The following KLF8 variants were observed in gnomAD, a reference collection of about 807,000 sequenced individuals.
The protein encoded by KLF8 is Krueppel-like factor 8.
In KLF8, 10 loss-of-function variants were observed where a neutral mutation model predicts 18.2. The ratio of observed to expected loss-of-function variants is 0.55; its 90% CI spans 0.34 to 0.93. The LOEUF is 0.93. KLF8 is among the 40% of genes least tolerant of loss of function. The pLI, the probability that KLF8 is intolerant of heterozygous loss-of-function variation, is 0.02. For synonymous variants in KLF8, 109 were observed against 97.3 expected, an observed-to-expected ratio of 1.12 and a Z score of -0.71; for missense variants, 264 against 277.9, an observed-to-expected ratio of 0.95 and a Z score of 0.36.
At chrX:56,158,226 T>G in the KLF8 span, among the ~76,000 whole-genome samples, 2 of 111,702 alleles carry the variant, frequency 1.8e-5, no homozygotes, top group Non-Finnish European at 3.8e-5. Context: ...TTCTGAGGAC[T>G]CTGTTCTGTT....
At chrX:56,010,289 G>A in the KLF8 span, among the ~76,000 whole-genome samples, 1 of 112,030 alleles carries the variant, frequency 8.9e-6, no homozygotes, top group Non-Finnish European at 1.9e-5. Context: ...CAAGCCAGAA[G>A]AGATTGGGGG....
chrX:56,153,501 T>G, the KLF8 span, among the ~76,000 whole-genome samples: 3 of 111,766 alleles, frequency 2.7e-5, no homozygotes, highest in African/African-American at 9.7e-5. Flanking sequence ...GAAGAAAATA[T>G]GGCTTTAAAA....
At chrX:56,192,454 A>G in the KLF8 span, among the ~76,000 whole-genome samples, 4 of 111,910 alleles carry the variant, frequency 3.6e-5, no homozygotes, top group East Asian at 1.1e-3. Context: ...CTTTAGAGAA[A>G]TAGAAAACAC....
rs2067267508 is a variant in KLF8 at position 56,286,290 on chromosome X, T to A, written c.*1796T>A. On this transcript the variant is annotated 3_prime_UTR_variant, in exon 6 of 6. Transcript: ENST00000468660. Reference sequence around the variant, plus strand: ...GCCTCAGCCTCCCAAATAGCTTGGATTACAGGTGCGTGCCACCACACCTAG... The same window carrying A: ...GCCTCAGCCTCCCAAATAGCTTGGAATACAGGTGCGTGCCACCACACCTAG... 2 of 111,227 alleles carry A rather than the reference T, an allele frequency of 1.8e-5. No homozygotes were observed. The highest frequency in any genetic ancestry group is 7.8e-4 in the South Asian group (2 of 2,571). The allele number at this position is 111,227 out of a possible 1,213,427, so 9.2% of individuals were successfully genotyped here. A position where few individuals can be genotyped will look rare whatever the true frequency, so the allele number is the denominator to read the frequency against.
At chrX:56,195,380 A>G in the KLF8 span, among the ~76,000 whole-genome samples, 1 of 112,264 alleles carries the variant, frequency 8.9e-6, no homozygotes, top group African/African-American at 3.2e-5. Context: ...AGTGTAGAGA[A>G]GACCGTAGAT....
At chrX:56,072,863 T>C in the KLF8 span, among the ~76,000 whole-genome samples, 2 of 111,957 alleles carry the variant, frequency 1.8e-5, no homozygotes, top group Admixed American at 1.9e-4. Flanking sequence ...TAACTCTCCC[T>C]TCCTGCAGTT....
In KLF8 at chrX:56,289,427, G is replaced by A. The variant is rs1256994073; in HGVS notation, c.*4933G>A. On this transcript the variant is annotated 3_prime_UTR_variant, in exon 6 of 6. Transcript: ENST00000468660. Reference sequence around the variant, plus strand: ...TATCTGGGCATTAGGTATGTTCATTGTTACTGGGCTATTGTTGCTTCTAGG... The same window carrying A: ...TATCTGGGCATTAGGTATGTTCATTATTACTGGGCTATTGTTGCTTCTAGG... Among the ~76,000 whole-genome samples the A allele has an allele frequency of 8.9e-5, 10 of 111,879 alleles. No homozygotes were observed. Among genetic ancestry groups the A allele is most frequent in the Non-Finnish European group, 1.9e-4 (10 of 53,157 alleles).
At chrX:55,989,530 G>A in the KLF8 span, among the ~76,000 whole-genome samples, 4 of 112,361 alleles carry the variant, frequency 3.6e-5, no homozygotes, top group Non-Finnish European at 7.5e-5. Flanking sequence ...TGTTGAACCA[G>A]CCTTGCATCC....
At chrX:56,202,727 T>C in the KLF8 span, among the ~76,000 whole-genome samples, 1 of 110,940 alleles carries the variant, frequency 9.0e-6, no homozygotes, top group Non-Finnish European at 1.9e-5. Flanking sequence ...TGATCTCCAG[T>C]TCCATGCATA....
At chrX:56,041,273 G>A in the KLF8 span, among the ~76,000 whole-genome samples, 5 of 109,572 alleles carry the variant, frequency 4.6e-5, no homozygotes, top group Admixed American at 2.0e-4. Flanking sequence ...ACAGGTGTGC[G>A]CCACTATGCC....
chrX:56,019,622 A>T, the KLF8 span, among the ~76,000 whole-genome samples: 1 of 112,118 alleles, frequency 8.9e-6, no homozygotes. Context: ...AGGTGGGTAC[A>T]TAAAGTTAGT....
chrX:56,178,385 C>T, the KLF8 span, among the ~76,000 whole-genome samples: 1 of 112,145 alleles, frequency 8.9e-6, no homozygotes, highest in Non-Finnish European at 1.9e-5. Context: ...GGATATTAGC[C>T]TTTTGTCACA....
the KLF8 span, among the ~76,000 whole-genome samples, chrX:56,195,810 A>C: frequency 1.8e-5 from 2 of 111,544 alleles, no homozygotes; most frequent in Non-Finnish European, 1.9e-5. Flanking sequence ...ATGGAGGAAA[A>C]AGTTTTGAGG....
the KLF8 span, among the ~76,000 whole-genome samples, chrX:56,057,351 G>T: frequency 9.9e-5 from 11 of 111,041 alleles, no homozygotes; most frequent in African/African-American, 3.0e-4. Flanking sequence ...GAGGGTGGTG[G>T]TTTGTATATT....
the KLF8 span, among the ~76,000 whole-genome samples, chrX:56,123,741 T>G: frequency 4.5e-4 from 50 of 112,224 alleles, no homozygotes; most frequent in African/African-American, 1.6e-3. Flanking sequence ...CACAAATAGA[T>G]GCTGAACTAA....
chrX:56,012,669 G>T, the KLF8 span, among the ~76,000 whole-genome samples: 2 of 111,028 alleles, frequency 1.8e-5, no homozygotes, highest in Non-Finnish European at 3.8e-5. Context: ...CTATTTGCAG[G>T]TGATGTGATC....
the KLF8 span, among the ~76,000 whole-genome samples, chrX:56,128,103 T>C: frequency 9.0e-6 from 1 of 111,516 alleles, no homozygotes; most frequent in Non-Finnish European, 1.9e-5. Context: ...TAAGAGTGGT[T>C]CATTGAGAAA....
At chrX:56,075,733 T>A in the KLF8 span, among the ~76,000 whole-genome samples, 7 of 111,903 alleles carry the variant, frequency 6.3e-5, no homozygotes, top group Admixed American at 9.5e-5. Flanking sequence ...ATTCTGTTAA[T>A]TTTTAGATCT....
chrX:56,085,918 C>T, the KLF8 span, among the ~76,000 whole-genome samples: 6 of 111,925 alleles, frequency 5.4e-5, no homozygotes, highest in African/African-American at 1.9e-4. Flanking sequence ...ACTATCACTG[C>T]GTCATGAGTT....
Sources: gnomAD v4.1 joint callset for allele counts (sites outside exome capture counted in the v4.1 genomes callset) on GRCh38, gnomAD v4.1.1 for gene constraint, MANE v1.5 for transcripts, NCBI Gene and HGNC (gene_info 2026-07-23, HGNC 2026-07-21) for gene names.